MARCHF1: variants seen among roughly 807,000 people sequenced by gnomAD.
MARCHF1 encodes E3 ubiquitin-protein ligase MARCHF1.
MARCHF1 carries 40 observed loss-of-function variants against 54.2 expected under a neutral mutation model. That is an observed-to-expected ratio of 0.74 (90% CI 0.57 to 0.96). The LOEUF is 0.96. Among genes scored for constraint, MARCHF1 ranks in the 40% least tolerant of loss-of-function variants. The probability of loss-of-function intolerance (pLI) is 0.00; values close to 1 mark genes in which losing one functional copy is unlikely to be tolerated. For missense variants in MARCHF1, 586 were observed against 656.5 expected, an observed-to-expected ratio of 0.89 and a Z score of 1.17; for synonymous variants, 236 against 236.3, an observed-to-expected ratio of 1.00 and a Z score of 0.01.
intron 3 of MARCHF1, among the ~76,000 whole-genome samples, chr4:163,893,834 A>C (rs1239906760): frequency 6.6e-6 from 1 of 152,190 alleles, no homozygotes; most frequent in Non-Finnish European, 1.5e-5. Context: ...AGCCTGCAAG[A>C]GTAAGCCACA....
rs1002578277 is a variant in MARCHF1, at chr4:163,586,908, T to C, written c.1011-979A>G. Among the ~76,000 whole-genome samples, 4 of 152,324 alleles carry C rather than the reference T, an allele frequency of 2.6e-5. No individual in the cohort carries two copies. The East Asian group carries it at 7.7e-4, about 29-fold the overall frequency. ...TAGCTTGAAAATATTACAGATATGT[T>C]CTTAGGAAGAAGCACACCTATTTGG... On this transcript the variant is annotated intron_variant, in intron 7 of 9. Transcript: ENST00000514618.
intron 4 of MARCHF1, among the ~76,000 whole-genome samples, chr4:163,750,175 G>A (rs146718190): frequency 1.3e-5 from 2 of 152,052 alleles, no homozygotes; most frequent in African/African-American, 4.8e-5. Flanking sequence ...AGGAATCCTA[G>A]GCCAAAACAC....
chr4:164,228,951 CA>C (rs1042217482), intron 1 of MARCHF1, among the ~76,000 whole-genome samples: 8 of 151,960 alleles, frequency 5.3e-5, no homozygotes, highest in Non-Finnish European at 2.9e-5. Flanking sequence ...GTAAAAGAAA[CA>C]AAGGGAAAGG....
At chr4:164,188,530 G>A (rs1731037457) in intron 1 of MARCHF1, 4 of 718,136 alleles carry the variant, frequency 5.6e-6, no homozygotes, top group Admixed American at 3.7e-5. Context: ...GCTGCGTGGA[G>A]ATCACCGCCA....
rs148977685 is a variant in MARCHF1, at chr4:163,527,279, T to TATCA, written c.*1465_*1468dup. The stretch of plus-strand genomic sequence containing the variant: ...TGTCAAACCTAAACGATTAATTACT[T>TATCA]ATCACAGAATCTGTTGAATATTTTT... On this transcript the variant is annotated 3_prime_UTR_variant, in exon 10 of 10. Coordinates refer to ENST00000514618, the MANE Select transcript of MARCHF1 (RefSeq NM_001394959.1). The TATCA allele has an allele frequency of 6.6e-6, 1 of 152,048 alleles. No homozygotes were observed. The highest frequency in any genetic ancestry group is 1.5e-5 in the Non-Finnish European group (1 of 67,946). 9.4% of individuals were successfully genotyped at this position (152,048 alleles called of 1,614,324 possible).
intron 3 of MARCHF1, among the ~76,000 whole-genome samples, chr4:163,873,025 CAG>C (rs1485683478): frequency 1.3e-5 from 2 of 150,428 alleles, no homozygotes; most frequent in East Asian, 1.9e-4. Flanking sequence ...GCCTGGGCGA[CAG>C]AGCGAGACTC....
intron 1 of MARCHF1, among the ~76,000 whole-genome samples, chr4:164,206,345 G>A (rs1206695332): frequency 6.6e-6 from 1 of 152,144 alleles, no homozygotes; most frequent in East Asian, 1.9e-4. Flanking sequence ...GCTGAGGCAG[G>A]AGAATCTCTT....
intron 1 of MARCHF1, among the ~76,000 whole-genome samples, chr4:164,229,133 G>C (rs1399315337): frequency 6.6e-6 from 1 of 152,194 alleles, no homozygotes; most frequent in Non-Finnish European, 1.5e-5. Context: ...GTATTACCTT[G>C]TAGTTTTCAA....
chr4:163,717,222 C>A (rs1745292011), intron 4 of MARCHF1, among the ~76,000 whole-genome samples: 1 of 146,892 alleles, frequency 6.8e-6, no homozygotes, highest in African/African-American at 2.5e-5. Context: ...GTTCAATTCC[C>A]ACCTATGAGT....
At chr4:164,347,898 T>C (rs1196491228) in intron 1 of MARCHF1, among the ~76,000 whole-genome samples, 1 of 152,202 alleles carries the variant, frequency 6.6e-6, no homozygotes, top group Non-Finnish European at 1.5e-5. Flanking sequence ...ATGCCATTTA[T>C]TATATATTTT....
At chr4:163,990,270 G>T (rs544161546) in intron 2 of MARCHF1, among the ~76,000 whole-genome samples, 1 of 152,088 alleles carries the variant, frequency 6.6e-6, no homozygotes, top group Non-Finnish European at 1.5e-5. Flanking sequence ...CAGCTAGGGA[G>T]ATTTTATAAT....
At chr4:163,946,656 G>C (rs1481219305) in intron 3 of MARCHF1, among the ~76,000 whole-genome samples, 2 of 152,134 alleles carry the variant, frequency 1.3e-5, no homozygotes, top group African/African-American at 2.4e-5. Context: ...ACATTCATTT[G>C]ATGTTCTCCC....
chr4:163,991,206 T>C (rs1318045967), intron 2 of MARCHF1, among the ~76,000 whole-genome samples: 2 of 152,198 alleles, frequency 1.3e-5, no homozygotes, highest in African/African-American at 2.4e-5. Flanking sequence ...AAGCAAATGT[T>C]TTAGCAATAA....
At chr4:164,330,410 T>C (rs1182905542) in intron 1 of MARCHF1, among the ~76,000 whole-genome samples, 1 of 152,166 alleles carries the variant, frequency 6.6e-6, no homozygotes, top group African/African-American at 2.4e-5. Flanking sequence ...ACTTGATCTC[T>C]TGAAGCTGCC....
chr4:163,678,607 A>G (rs891051316), intron 5 of MARCHF1, among the ~76,000 whole-genome samples: 3 of 152,192 alleles, frequency 2.0e-5, no homozygotes, highest in African/African-American at 4.8e-5. Flanking sequence ...CATTTTCTGG[A>G]CAGAAAATAA....
intron 4 of MARCHF1, among the ~76,000 whole-genome samples, chr4:163,796,028 C>T (rs1343033141): frequency 1.3e-5 from 2 of 152,062 alleles, no homozygotes; most frequent in Non-Finnish European, 2.9e-5. Flanking sequence ...TCTTTATCCT[C>T]GTCTTCACAT....
rs141537283 is a variant in MARCHF1 at position 163,630,210 on chromosome 4, A to G, written c.163-16817T>C. ...ACCAAGATCTTCAACAGGTAAATTG[A>G]TAAAACAAAATGTGGTATATTCACA... is the stretch of plus-strand genomic sequence containing the variant. On this transcript the variant is annotated intron_variant, in intron 5 of 9. Coordinates refer to ENST00000514618, the MANE Select transcript of MARCHF1 (RefSeq NM_001394959.1). 7.3e-4 allele frequency among the ~76,000 whole-genome samples: 111 copies of G among 152,346 alleles called. 3 individuals are homozygous for G. The East Asian group carries it at 0.02, about 28-fold the overall frequency.
intron 7 of MARCHF1, among the ~76,000 whole-genome samples, chr4:163,600,323 T>C (rs1183549065): frequency 2.0e-5 from 3 of 152,194 alleles, no homozygotes; most frequent in Non-Finnish European, 4.4e-5. Flanking sequence ...CATTAAATTA[T>C]CTGGCATGCT....
At chr4:163,535,225 A>G in intron 9 of MARCHF1, among the ~76,000 whole-genome samples, 1 of 152,128 alleles carries the variant, frequency 6.6e-6, no homozygotes, top group East Asian at 1.9e-4. Flanking sequence ...ATATAAAAGA[A>G]TCATTTTTCT....
Sources: allele counts gnomAD v4.1 joint callset (sites outside exome capture counted in the v4.1 genomes callset), GRCh38; gene constraint gnomAD v4.1.1; transcripts MANE v1.5; gene names NCBI Gene and HGNC (gene_info 2026-07-23, HGNC 2026-07-21).